Variants in TOGARAM2 observed in about 807,000 individuals in gnomAD.
TOGARAM2 encodes the protein TOG array regulator of axonemal microtubules 2, also known as TOG array regulator of axonemal microtubules protein 2.
A neutral mutation model predicts 93.3 loss-of-function variants in TOGARAM2; 85 were observed. The ratio of observed to expected loss-of-function variants is 0.91; its 90% CI spans 0.76 to 1.09. The LOEUF is 1.09. Among genes scored for constraint, TOGARAM2 ranks in the 50% least tolerant of loss-of-function variants. The pLI is 0.00. For missense variants in TOGARAM2, 1,277 were observed against 1,334.5 expected (o/e 0.96, Z 0.67); for synonymous variants, 593 against 552.8 (o/e 1.07, Z -1.02).
At chr2:28,963,324 T>C (rs1057069217) in intron 1 of TOGARAM2, among the ~76,000 whole-genome samples, 1 of 152,202 alleles carries the variant, frequency 6.6e-6, no homozygotes, top group African/African-American at 2.4e-5. Context: ...TTTATATTTA[T>C]TGAGATTTGT....
chr2:29,043,928 C>T (rs1308693333), intron 18 of TOGARAM2, among the ~76,000 whole-genome samples: 2 of 152,330 alleles, frequency 1.3e-5, no homozygotes, highest in South Asian at 2.1e-4. Flanking sequence ...TCAGTAGATA[C>T]GGAGTCCTGC....
intron 7 of TOGARAM2, among the ~76,000 whole-genome samples, chr2:29,013,746 C>T (rs905943339): frequency 6.6e-6 from 1 of 152,316 alleles, no homozygotes; most frequent in Admixed American, 6.5e-5. Flanking sequence ...TGGTGCCCAC[C>T]CACACTGAGG....
chr2:29,028,096 G>C (rs1428591708), intron 14 of TOGARAM2, among the ~76,000 whole-genome samples: 1 of 152,174 alleles, frequency 6.6e-6, no homozygotes, highest in East Asian at 1.9e-4. Context: ...CAAAAGCTAG[G>C]GCTGGAGCCC....
chr2:28,999,364 C>T lies in TOGARAM2; in HGVS notation c.323C>T (p.Pro108Leu), dbSNP rs756709437. Reference protein sequence around the residue: ...SLGDQPLVLLPSPESEANSVA... With the variant: ...SLGDQPLVLLLSPESEANSVA... ...GGGGACCAGCCCCTGGTGCTCCTCC[C>T]TTCTCCGGAGTCAGAGGCCAACAGC... The change falls in exon 4 of 20, where the codon CCT becomes CTT. Residue 108 changes from proline to leucine, a missense_variant. Transcript: ENST00000379558. 52 of 1,613,416 alleles carry T rather than the reference C, an allele frequency of 3.2e-5. No homozygotes were observed. The African/African-American group carries it at 6.8e-4, about 21-fold the overall frequency.
At chr2:29,023,557 G>A (rs558685583) in intron 12 of TOGARAM2, among the ~76,000 whole-genome samples, 1 of 152,186 alleles carries the variant, frequency 6.6e-6, no homozygotes, top group Non-Finnish European at 1.5e-5. Context: ...CTGTGGCTTG[G>A]TCTAGCTGGG....
At position 28,956,951 on chromosome 2, in the gene TOGARAM2, CCT is replaced by C. The variant is rs1372297794; in HGVS notation, c.-147+255_-147+256del. 6.6e-6 allele frequency among the ~76,000 whole-genome samples: 1 copy of C among 151,926 alleles called. No homozygotes were observed. Among genetic ancestry groups the C allele is most frequent in the South Asian group, 2.1e-4 (1 of 4,806 alleles). On this transcript the variant is annotated intron_variant, in intron 1 of 6. Coordinates refer to the TOGARAM2 transcript ENST00000401723. The surrounding 1 kb of genome is among the most constrained non-coding windows in gnomAD (Gnocchi z 4.5). ...ACTAGCCTAGCCAACATGGCGAACC[CCT>C]GTCTCTACTAAAAGTACAAAAATTG... is the stretch of plus-strand genomic sequence containing the variant.
chr2:29,051,414 C>T (rs549758730), intron 19 of TOGARAM2: 5 of 180,814 alleles, frequency 2.8e-5, no homozygotes, highest in South Asian at 1.8e-4. Flanking sequence ...GTGCCTGCCT[C>T]TTTCCTGTTC....
At chr2:28,983,177 A>AATATATAAATATATATATAT (rs1553334841) in intron 1 of TOGARAM2, among the ~76,000 whole-genome samples, 5 of 32,388 alleles carry the variant, frequency 1.5e-4, no homozygotes, top group African/African-American at 3.8e-4. Context: ...TGTATATATA[A>AATATATAAATATATATATAT]ATATATATAT....
intron 1 of TOGARAM2, among the ~76,000 whole-genome samples, chr2:28,975,259 G>C (rs1672009485): frequency 1.3e-5 from 2 of 151,804 alleles, no homozygotes; most frequent in Admixed American, 1.3e-4. Context: ...TGCGATCTTG[G>C]CTCACTGCAA....
At chr2:28,962,771 C>T (rs1671818858) in intron 1 of TOGARAM2, among the ~76,000 whole-genome samples, 1 of 124,696 alleles carries the variant, frequency 8.0e-6, no homozygotes, top group Non-Finnish European at 1.7e-5. Flanking sequence ...CCCTTCCCTC[C>T]CCTCCCCTTC....
Position 28,999,367 on chromosome 2 carries a change from C to G in TOGARAM2, c.326C>G (p.Ser109Cys). Residue 109 changes from serine (S) to cysteine (C), a missense_variant, in exon 4 of 20, where the codon TCT (serine) becomes TGT (cysteine). Ser to Cys is a moderately radical substitution (Grantham distance 112). Coordinates refer to ENST00000379558, the MANE Select transcript of TOGARAM2 (RefSeq NM_199280.4). The part of the protein sequence containing the change: ...LGDQPLVLLP[S>C]PESEANSVAR... ...GACCAGCCCCTGGTGCTCCTCCCTT[C>G]TCCGGAGTCAGAGGCCAACAGCGTG... is the stretch of plus-strand genomic sequence containing the variant. 1 of 1,613,520 alleles carries G rather than the reference C, an allele frequency of 6.2e-7. No homozygotes were observed. The highest frequency in any genetic ancestry group is 8.5e-7 in the Non-Finnish European group (1 of 1,179,716).
chr2:29,018,554 A>G (rs1287787782), intron 10 of TOGARAM2: 1 of 152,100 alleles, frequency 6.6e-6, no homozygotes, highest in Non-Finnish European at 1.5e-5. Flanking sequence ...ACTTAAAAAC[A>G]GTCAGCTTGG....
intron 1 of TOGARAM2, among the ~76,000 whole-genome samples, chr2:28,960,677 C>T (rs1464497887): frequency 1.3e-5 from 2 of 152,148 alleles, no homozygotes; most frequent in Non-Finnish European, 2.9e-5. Flanking sequence ...ATTCCTGTAC[C>T]CTCTGTATTT....
chr2:29,051,220 T>C (rs551261407), intron 19 of TOGARAM2: 28 of 152,370 alleles, frequency 1.8e-4, no homozygotes, highest in African/African-American at 6.3e-4. Context: ...AGTATTACTA[T>C]AGTTACTATT....
intron 6 of TOGARAM2, among the ~76,000 whole-genome samples, chr2:29,005,507 T>TTGTA (rs1558422872): frequency 7.3e-6 from 1 of 136,890 alleles, no homozygotes; most frequent in Non-Finnish European, 1.5e-5. Flanking sequence ...GTGCATGTGT[T>TTGTA]TGTGTAACTA....
chr2:29,026,937 G>T lies in TOGARAM2; in HGVS notation c.1938G>T (p.Ser646=). The stretch of plus-strand genomic sequence containing the variant: ...AGATCGGCGCTGAGAAGCTTCTCTC[G>T]GGCACCAGAGACAGCACAGACATGT... ...LEQIGAEKLL[S]GTRDSTDMLV... Residue 646 remains serine (S), a synonymous_variant, in exon 14 of 20, where the codon TCG becomes TCT. Coordinates refer to ENST00000379558, the MANE Select transcript of TOGARAM2 (RefSeq NM_199280.4). 6.3e-7 allele frequency: 1 copy of T among 1,576,984 alleles called. No homozygotes were observed. The highest frequency in any genetic ancestry group is 8.6e-7 in the Non-Finnish European group (1 of 1,161,242).
At chr2:29,030,131 C>A (rs1434322665) in intron 14 of TOGARAM2, among the ~76,000 whole-genome samples, 1 of 152,006 alleles carries the variant, frequency 6.6e-6, no homozygotes, top group Admixed American at 6.6e-5. Context: ...AAAATATTAG[C>A]CGGGCATGGT....
In TOGARAM2 at chr2:29,035,600, C is replaced by T. The variant is rs746145729; in HGVS notation, c.2362C>T (p.Gln788Ter). The T allele has an allele frequency of 1.3e-6, 2 of 1,583,898 alleles. No homozygotes were observed. Among genetic ancestry groups the T allele is most frequent in the South Asian group, 2.3e-5 (2 of 85,200 alleles). The change falls in exon 17 of 20, where the codon CAG (glutamine) becomes TAG (stop). Residue 788 changes from glutamine to a stop codon, truncating the protein, a stop_gained. Transcript: ENST00000379558. LOFTEE classifies it high-confidence loss of function. The stretch of plus-strand genomic sequence containing the variant: ...CCGGTCCCGGATGGAAGGCGTGGGG[C>T]AGCTCCTGGAGCTCTGCAAGGCCAA... ...DFRSRMEGVG[Q>*]LLELCKAKTE...
chr2:28,963,416 C>G (rs1429245370), intron 1 of TOGARAM2, among the ~76,000 whole-genome samples: 1 of 152,110 alleles, frequency 6.6e-6, no homozygotes, highest in Non-Finnish European at 1.5e-5. Flanking sequence ...CTCTGTCAAC[C>G]CAGGCTAGAC....
Sources: allele counts gnomAD v4.1 joint callset (sites outside exome capture counted in the v4.1 genomes callset), GRCh38; gene constraint gnomAD v4.1.1; non-coding constraint Gnocchi (gnomAD v3.1); transcripts MANE v1.5; gene names NCBI Gene and HGNC (gene_info 2026-07-23, HGNC 2026-07-21).